The following B3GALT1 variants were observed in gnomAD, a reference collection of about 807,000 sequenced individuals.
The protein encoded by B3GALT1 is beta-1,3-galactosyltransferase 1, also known as UDP-Gal:betaGlcNAc beta 1,3-galactosyltransferase, polypeptide 1.
B3GALT1 carries 10 observed loss-of-function variants against 23.2 expected under a neutral mutation model. The ratio of observed to expected loss-of-function variants is 0.43; its 90% CI spans 0.27 to 0.73. The LOEUF (loss-of-function observed/expected upper bound fraction) is 0.73, where lower values mean the gene tolerates loss of function less well. Among genes scored for constraint, B3GALT1 ranks in the 30% least tolerant of loss-of-function variants. The probability of loss-of-function intolerance (pLI) is 0.21; values close to 1 mark genes in which losing one functional copy is unlikely to be tolerated. For synonymous variants in B3GALT1, 156 were observed against 141.5 expected (o/e 1.10, Z -0.73); for missense variants, 299 against 405.4 (o/e 0.74, Z 2.25).
At chr2:167,695,514 T>C (rs1281227380) in intron 3 of B3GALT1, among the ~76,000 whole-genome samples, 1 of 152,176 alleles carries the variant, frequency 6.6e-6, no homozygotes, top group South Asian at 2.1e-4. Flanking sequence ...TCCTCAGCCT[T>C]ACCAGGGAAA....
At position 167,757,394 on chromosome 2, in the gene B3GALT1, G is replaced by A. The variant is rs7592682; in HGVS notation, c.-351-61278G>A. ...TTTCAGTGACCTCAAGTTTCTGAAA[G>A]TACAGGTACCTTGCAATGTTCAATA... On this transcript the variant is annotated intron_variant, in intron 3 of 4. Transcript: ENST00000392690. Among the ~76,000 whole-genome samples the A allele has an allele frequency of 5.7e-3, 875 of 152,180 alleles. 7 individuals are homozygous for A. Among genetic ancestry groups the A allele is most frequent in the African/African-American group, 0.02 (830 of 41,512 alleles).
intron 2 of B3GALT1, among the ~76,000 whole-genome samples, chr2:167,637,828 C>CTT (rs1479898404): frequency 1.3e-5 from 2 of 151,470 alleles, no homozygotes; most frequent in Non-Finnish European, 2.9e-5. Flanking sequence ...CATGATTCCA[C>CTT]TCTTTTTTTT....
rs145846744 is a variant in B3GALT1 at position 167,868,405 on chromosome 2, C to G, written c.-229-406C>G. Among the ~76,000 whole-genome samples the G allele has an allele frequency of 8.6e-3, 1,301 of 150,922 alleles. 10 individuals carry two copies. Among genetic ancestry groups the G allele is most frequent in the Non-Finnish European group, 0.014 (936 of 67,874 alleles). On this transcript the variant is annotated intron_variant, in intron 4 of 4. Transcript: ENST00000392690. ...AATCAAGCAAACAAAAACTCAGACT[C>G]GGAAACTGGAAAAGAGATATGAGGC...
chr2:167,749,132 CAT>C (rs1558967304), intron 3 of B3GALT1, among the ~76,000 whole-genome samples: 3 of 152,208 alleles, frequency 2.0e-5, no homozygotes, highest in Admixed American at 1.3e-4. Flanking sequence ...GCATCCCACA[CAT>C]GTCATATGAT....
chr2:167,309,447 T>C (rs889084357), intron 1 of B3GALT1, among the ~76,000 whole-genome samples: 6 of 152,068 alleles, frequency 3.9e-5, no homozygotes, highest in African/African-American at 1.4e-4. Context: ...TCTTTGGTAT[T>C]ATTCTATGTT....
At chr2:167,347,745 C>T (rs1361496000) in intron 1 of B3GALT1, among the ~76,000 whole-genome samples, 3 of 152,032 alleles carry the variant, frequency 2.0e-5, no homozygotes, top group South Asian at 2.1e-4. Context: ...AGTAACCATG[C>T]GTTTGTTGCT....
chr2:167,450,257 T>A (rs1699067446), intron 1 of B3GALT1, among the ~76,000 whole-genome samples: 2 of 152,112 alleles, frequency 1.3e-5, no homozygotes, highest in South Asian at 4.1e-4. Context: ...TTTTATTACC[T>A]TTTCAGTCTG....
At chr2:167,484,731 T>A (rs1223177325) in intron 1 of B3GALT1, among the ~76,000 whole-genome samples, 2 of 152,130 alleles carry the variant, frequency 1.3e-5, no homozygotes, top group Non-Finnish European at 2.9e-5. Context: ...CCTATTCAGA[T>A]CTTTAAAAGG....
At chr2:167,789,973 C>T (rs1430308686) in intron 3 of B3GALT1, among the ~76,000 whole-genome samples, 1 of 152,212 alleles carries the variant, frequency 6.6e-6, no homozygotes, top group Non-Finnish European at 1.5e-5. Flanking sequence ...CCCGCAAAGA[C>T]AGACAAGTGG....
intron 1 of B3GALT1, among the ~76,000 whole-genome samples, chr2:167,468,600 G>C (rs1454183568): frequency 2.6e-5 from 4 of 152,114 alleles, no homozygotes; most frequent in African/African-American, 9.7e-5. Flanking sequence ...GGCCAGGCGC[G>C]GTGGCTCACA....
At chr2:167,501,175 T>C (rs1470002146) in intron 2 of B3GALT1, among the ~76,000 whole-genome samples, 1 of 152,150 alleles carries the variant, frequency 6.6e-6, no homozygotes, top group African/African-American at 2.4e-5. Context: ...GGAAATGGAC[T>C]TTGAATTCAC....
intron 2 of B3GALT1, among the ~76,000 whole-genome samples, chr2:167,509,939 CAAAAG>C (rs1699980066): frequency 6.6e-6 from 1 of 152,050 alleles, no homozygotes; most frequent in African/African-American, 2.4e-5. Flanking sequence ...ATTTGGAAAA[CAAAAG>C]AAAGTGCCAG....
At chr2:167,712,332 T>A (rs1574226106) in intron 3 of B3GALT1, among the ~76,000 whole-genome samples, 1 of 151,988 alleles carries the variant, frequency 6.6e-6, no homozygotes, top group Non-Finnish European at 1.5e-5. Flanking sequence ...CCAGATGGTT[T>A]CCAGAGTACA....
At chr2:167,348,986 C>T (rs1403058220) in intron 1 of B3GALT1, among the ~76,000 whole-genome samples, 3 of 152,112 alleles carry the variant, frequency 2.0e-5, no homozygotes, top group African/African-American at 7.2e-5. Context: ...CTAGGAGGCA[C>T]ACCGTATATA....
At chr2:167,723,843 T>C (rs1687269475) in intron 3 of B3GALT1, among the ~76,000 whole-genome samples, 1 of 152,208 alleles carries the variant, frequency 6.6e-6, no homozygotes. Context: ...ACTGTCAATT[T>C]ATTTTCATAT....
chr2:167,657,857 T>A (rs1685982117), intron 3 of B3GALT1, among the ~76,000 whole-genome samples: 1 of 152,290 alleles, frequency 6.6e-6, no homozygotes, highest in Middle Eastern at 3.4e-3. Flanking sequence ...CAAACTGATA[T>A]GAGTCCCTCA....
At position 167,699,433 on chromosome 2, in the gene B3GALT1, A is replaced by G. The variant is rs1020878692; in HGVS notation, c.-352+52467A>G. On this transcript the variant is annotated intron_variant, in intron 3 of 4. Coordinates refer to ENST00000392690, the MANE Select transcript of B3GALT1 (RefSeq NM_020981.4). ...AGAAAACCTATTAACTAAAACCCCA[A>G]TTAACCACAACATTACATACTCTCC... Among the ~76,000 whole-genome samples, 3 of 134,412 alleles carry G rather than the reference A, an allele frequency of 2.2e-5. No homozygotes were observed. The Admixed American group carries it at 2.6e-4, about 12-fold the overall frequency. 88.2% of individuals were successfully genotyped at this position (134,412 alleles called of 152,430 possible). A position where few individuals can be genotyped will look rare whatever the true frequency, so the allele number is the denominator to read the frequency against.
chr2:167,626,960 C>T (rs769788230), intron 2 of B3GALT1, among the ~76,000 whole-genome samples: 1 of 151,686 alleles, frequency 6.6e-6, no homozygotes, highest in Non-Finnish European at 1.5e-5. Context: ...AAGCAATTAT[C>T]ACAGTGTATG....
intron 3 of B3GALT1, among the ~76,000 whole-genome samples, chr2:167,721,756 C>G (rs1687240443): frequency 6.6e-6 from 1 of 152,160 alleles, no homozygotes; most frequent in Admixed American, 6.5e-5. Context: ...GGAGAGCTAC[C>G]TAGGGCTCTG....
Sources: allele counts gnomAD v4.1 joint callset (sites outside exome capture counted in the v4.1 genomes callset), GRCh38; gene constraint gnomAD v4.1.1; transcripts MANE v1.5; gene names NCBI Gene and HGNC (gene_info 2026-07-23, HGNC 2026-07-21).